Variants in MED13L observed in about 807,000 individuals in gnomAD.
MED13L encodes mediator of RNA polymerase II transcription subunit 13-like.
Under a neutral mutation model 220.9 loss-of-function variants are expected in MED13L, and 7 were observed. The ratio of observed to expected loss-of-function variants is 0.03; its 90% confidence interval spans 0.02 to 0.06. The LOEUF (loss-of-function observed/expected upper bound fraction) is 0.06, where lower values mean the gene tolerates loss of function less well. MED13L is among the 10% of genes least tolerant of loss of function. MED13L has a pLI of 1.00. For missense variants in MED13L, 1,965 were observed against 2,760.5 expected (o/e 0.71, Z 6.46); for synonymous variants, 1,011 against 1,015.2 (o/e 1.00, Z 0.08).
At chr12:116,016,557 CTA>C (rs1879737023) in intron 7 of MED13L, among the ~76,000 whole-genome samples, 1 of 152,058 alleles carries the variant, frequency 6.6e-6, no homozygotes, top group South Asian at 2.1e-4. Context: ...CCAAAACATC[CTA>C]TGATATAGCT....
chr12:116,100,411 C>T (rs971241528), intron 3 of MED13L, among the ~76,000 whole-genome samples: 1 of 151,360 alleles, frequency 6.6e-6, no homozygotes. Context: ...CCAGCCTGGC[C>T]AACATGGTAA....
chr12:116,220,624 G>C (rs554546837), intron 2 of MED13L, among the ~76,000 whole-genome samples: 1 of 152,048 alleles, frequency 6.6e-6, no homozygotes, highest in African/African-American at 2.4e-5. Context: ...ACTTGATCCC[G>C]GGAGGCGGAG....
intron 4 of MED13L, among the ~76,000 whole-genome samples, chr12:116,060,919 G>A (rs1339019315): frequency 1.3e-5 from 2 of 152,118 alleles, no homozygotes; most frequent in African/African-American, 4.8e-5. Flanking sequence ...CACATACATG[G>A]CATCATCTTT....
intron 4 of MED13L, among the ~76,000 whole-genome samples, chr12:116,089,531 T>C (rs978205622): frequency 6.6e-6 from 1 of 152,192 alleles, no homozygotes; most frequent in Non-Finnish European, 1.5e-5. Flanking sequence ...AAATATATGG[T>C]AGACTATAAC....
rs573922678 is a variant in MED13L at position 116,112,038 on chromosome 12, A to C, written c.311-526T>G. The stretch of plus-strand genomic sequence containing the variant: ...CTGTCAGGAAATTACATCTTCCCAG[A>C]ACATCAAATTTATTTCCTGAATTTA... On this transcript the variant is annotated intron_variant, in intron 2 of 30. Transcript: ENST00000281928. 6.6e-5 allele frequency among the ~76,000 whole-genome samples: 10 copies of C among 152,176 alleles called. No individual in the cohort carries two copies. The South Asian group carries it at 2.1e-3, about 31-fold the overall frequency.
At chr12:116,099,459 T>A (rs560741895) in intron 3 of MED13L, among the ~76,000 whole-genome samples, 1 of 152,160 alleles carries the variant, frequency 6.6e-6, no homozygotes, top group Non-Finnish European at 1.5e-5. Flanking sequence ...GTAACACACA[T>A]CCTCACTTAG....
intron 2 of MED13L, among the ~76,000 whole-genome samples, chr12:116,138,295 T>A (rs1031055818): frequency 7.2e-5 from 11 of 152,236 alleles, no homozygotes; most frequent in Non-Finnish European, 1.2e-4. Context: ...GAGAAAAAAA[T>A]TTTAATTTCA....
At chr12:116,269,218 C>T (rs534396201) in intron 1 of MED13L, among the ~76,000 whole-genome samples, 2 of 152,148 alleles carry the variant, frequency 1.3e-5, no homozygotes, top group South Asian at 4.2e-4. Flanking sequence ...ACCACCACGC[C>T]CAGCTACTTT....
In MED13L at chr12:115,986,325, T is replaced by C; in HGVS notation, c.4279A>G (p.Asn1427Asp). The part of the protein sequence containing the change: ...DVAYIVVCPE[N>D]EALLEGAKTF... ...TTGGCTCCTTCGAGCAAGGCCTCAT[T>C]TTCTGGACACACCACAATATAGGCA... Residue 1427 changes from asparagine to aspartate, a missense_variant, in exon 19 of 31, where the codon AAT becomes GAT. By Grantham distance (23) the Asn-to-Asp change is conservative (BLOSUM62 1). Transcript: ENST00000281928. 1 of 1,614,136 alleles carries C rather than the reference T, an allele frequency of 6.2e-7. No homozygotes were observed. The highest frequency in any genetic ancestry group is 1.6e-4 in the Middle Eastern group (1 of 6,062).
chr12:115,993,596 C>G (rs1001214464), intron 16 of MED13L, among the ~76,000 whole-genome samples: 3 of 151,838 alleles, frequency 2.0e-5, no homozygotes, highest in Non-Finnish European at 4.4e-5. Context: ...GCAATCACTG[C>G]TCTCTTAGAG....
chr12:115,963,337 C>G (rs1336054584), intron 30 of MED13L, 70 bp downstream of exon 30: 1 of 1,284,810 alleles, frequency 7.8e-7, no homozygotes, highest in Non-Finnish European at 1.1e-6. Context: ...GATTAAAACA[C>G]CTTGGAAAGA....
chr12:116,016,806 T>A (rs186486072), intron 7 of MED13L, among the ~76,000 whole-genome samples: 94 of 152,336 alleles, frequency 6.2e-4, no homozygotes, highest in African/African-American at 2.2e-3. Context: ...TACCTCTACA[T>A]ATCAAACAAA....
intron 4 of MED13L, among the ~76,000 whole-genome samples, chr12:116,060,138 A>G (rs1869317613): frequency 6.6e-6 from 1 of 152,130 alleles, no homozygotes; most frequent in Non-Finnish European, 1.5e-5. Context: ...GGGATCACAA[A>G]ACACTGCCCA....
chr12:115,970,221 T>C (rs1294097004), intron 27 of MED13L, among the ~76,000 whole-genome samples: 3 of 152,216 alleles, frequency 2.0e-5, no homozygotes, highest in East Asian at 1.9e-4. Flanking sequence ...TAGATTGCCA[T>C]AGACTAGCTA....
intron 4 of MED13L, among the ~76,000 whole-genome samples, chr12:116,063,270 T>C (rs1026080015): frequency 5.5e-4 from 84 of 152,254 alleles, no homozygotes; most frequent in African/African-American, 2.0e-3. Flanking sequence ...TAAGCATTGT[T>C]TTGGGCCAGT....
intron 1 of MED13L, among the ~76,000 whole-genome samples, chr12:116,253,964 T>C (rs1293860010): frequency 6.6e-6 from 1 of 151,872 alleles, no homozygotes; most frequent in East Asian, 1.9e-4. Context: ...TTTCGCCACA[T>C]TGGCCAGGCT....
chr12:115,961,751 C>T (rs1158486957), intron 30 of MED13L, among the ~76,000 whole-genome samples: 3 of 152,166 alleles, frequency 2.0e-5, no homozygotes, highest in Admixed American at 6.5e-5. Context: ...GGGGGTGGAT[C>T]ACCTGAGGTC....
At chr12:116,154,215 A>C (rs945700949) in intron 2 of MED13L, among the ~76,000 whole-genome samples, 1 of 152,170 alleles carries the variant, frequency 6.6e-6, no homozygotes, top group African/African-American at 2.4e-5. Context: ...TGCCAAAACA[A>C]AGTCAAACAG....
rs1875742329 is a variant in MED13L at position 115,961,344 on chromosome 12, G to C, written c.6555C>G (p.Thr2185=). The part of the protein sequence containing the change: ...ALSWLTCNPA[T]QDRTSCLPVH... ...CGGGAAGGCAGGAAGTACGGTCCTGGGTGGCCGGATTGCACGTGAGCCAGG... is the reference window on the plus strand; with the variant it reads ...CGGGAAGGCAGGAAGTACGGTCCTGCGTGGCCGGATTGCACGTGAGCCAGG... Residue 2185 remains threonine, a synonymous_variant, in exon 31 of 31, where the codon ACC becomes ACG. Coordinates refer to ENST00000281928, the MANE Select transcript of MED13L (RefSeq NM_015335.5). 7 of 1,614,148 alleles carry C rather than the reference G, an allele frequency of 4.3e-6. No homozygotes were observed. The highest frequency in any genetic ancestry group is 5.9e-6 in the Non-Finnish European group (7 of 1,180,016).
Sources: allele counts gnomAD v4.1 joint callset (sites outside exome capture counted in the v4.1 genomes callset), GRCh38; gene constraint gnomAD v4.1.1; transcripts MANE v1.5; gene names NCBI Gene and HGNC (gene_info 2026-07-23, HGNC 2026-07-21).